Variants in CCDC7 observed in about 807,000 individuals in gnomAD.
The protein encoded by CCDC7 is coiled-coil domain containing 7.
CCDC7 carries 183 observed loss-of-function variants against 196.9 expected under a neutral mutation model. The ratio of observed to expected loss-of-function variants is 0.93; its 90% CI spans 0.82 to 1.05. The LOEUF is 1.05. CCDC7 is among the 50% of genes least tolerant of loss of function. The probability of loss-of-function intolerance (pLI) is 0.00; values close to 1 mark genes in which losing one functional copy is unlikely to be tolerated. For synonymous variants in CCDC7, 525 were observed against 484.6 expected (o/e 1.08, Z -1.10); for missense variants, 1,540 against 1,482.2 (o/e 1.04, Z -0.64).
chr10:32,467,984 G>A (rs1189314750), intron 5 of CCDC7, among the ~76,000 whole-genome samples: 1 of 152,118 alleles, frequency 6.6e-6, no homozygotes, highest in African/African-American at 2.4e-5. Context: ...TTTGGTTACT[G>A]TAGCCCTGTA....
chr10:32,664,111 C>T (rs1021582352), exon 21 of CCDC7: 18 of 396,210 alleles, frequency 4.5e-5, no homozygotes, highest in South Asian at 2.6e-4. Context: ...AAGTCAAAAA[C>T]GGAAGTAGAA....
At chr10:32,644,743 C>G (rs1042847354) in intron 20 of CCDC7, among the ~76,000 whole-genome samples, 6 of 152,206 alleles carry the variant, frequency 3.9e-5, no homozygotes, top group Non-Finnish European at 7.3e-5. Context: ...TCCTCATTCT[C>G]TTCTCTTGGC....
intron 32 of CCDC7, among the ~76,000 whole-genome samples, chr10:32,830,649 G>C (rs1032163456): frequency 6.6e-6 from 1 of 152,228 alleles, no homozygotes; most frequent in Non-Finnish European, 1.5e-5. Flanking sequence ...TGATGTTTTA[G>C]TGCATGTAAA....
intron 28 of CCDC7, among the ~76,000 whole-genome samples, chr10:32,764,156 C>T (rs1326195164): frequency 6.6e-6 from 1 of 151,656 alleles, no homozygotes; most frequent in Non-Finnish European, 1.5e-5. Context: ...ATAATTGCCT[C>T]CCTTGAGATA....
intron 29 of CCDC7, among the ~76,000 whole-genome samples, chr10:32,792,311 G>C (rs934720588): frequency 1.3e-5 from 2 of 152,086 alleles, no homozygotes; most frequent in Non-Finnish European, 2.9e-5. Context: ...CTGTAATGGT[G>C]GTATGTAGAT....
chr10:32,820,451 A>G (rs1177097023), intron 31 of CCDC7, among the ~76,000 whole-genome samples: 1 of 152,218 alleles, frequency 6.6e-6, no homozygotes, highest in Non-Finnish European at 1.5e-5. Flanking sequence ...TCTTCACAGA[A>G]TTGGAAAAAA....
intron 29 of CCDC7, among the ~76,000 whole-genome samples, chr10:32,795,536 C>A (rs1394541774): frequency 1.3e-5 from 2 of 151,976 alleles, no homozygotes; most frequent in African/African-American, 2.4e-5. Flanking sequence ...GGTCGGAAAA[C>A]TCTCATCATC....
chr10:32,619,910 C>CTTTTTTTTTTTTTTTTTTTT lies in CCDC7; in HGVS notation c.1802-14333_1802-14314dup, dbSNP rs56089046. 2.0e-4 allele frequency among the ~76,000 whole-genome samples: 16 copies of CTTTTTTTTTTTTTTTTTTTT among 79,276 alleles called. 3 individuals carry two copies. Among genetic ancestry groups the CTTTTTTTTTTTTTTTTTTTT allele is most frequent in the African/African-American group, 9.8e-4 (15 of 15,308 alleles). The allele number at this position is 79,276 out of a possible 152,430, so 52.0% of individuals were successfully genotyped here. On this transcript the variant is annotated intron_variant, in intron 18 of 41. Coordinates refer to ENST00000639629, the Ensembl canonical transcript of CCDC7. ...CACTGCTCCCAGCCCTTCAATGTAC[C>CTTTTTTTTTTTTTTTTTTTT]TTTTTTTTTTTTTTTTTTTTTTTTT...
chr10:32,653,892 C>T (rs1316443179), intron 20 of CCDC7, among the ~76,000 whole-genome samples: 6 of 152,232 alleles, frequency 3.9e-5, no homozygotes, highest in African/African-American at 1.2e-4. Flanking sequence ...TTTTCATTCA[C>T]TATTTATTAA....
At chr10:32,726,736 C>G in exon 26 of CCDC7, 1 of 1,557,776 alleles carries the variant, frequency 6.4e-7, no homozygotes, top group East Asian at 2.3e-5. Flanking sequence ...TTTTGTAGTA[C>G]CAGATAAAAA....
At chr10:32,737,455 TCTTA>T (rs1428046849) in intron 28 of CCDC7, among the ~76,000 whole-genome samples, 2 of 152,176 alleles carry the variant, frequency 1.3e-5, no homozygotes, top group African/African-American at 4.8e-5. Context: ...ATAAGATCTG[TCTTA>T]CTGAGTGTTC....
intron 20 of CCDC7, among the ~76,000 whole-genome samples, chr10:32,642,311 C>T (rs563113194): frequency 6.6e-6 from 1 of 152,322 alleles, no homozygotes; most frequent in South Asian, 2.1e-4. Flanking sequence ...GTTTGAGTTT[C>T]CCAGCCGCTT....
At chr10:32,592,713 C>G (rs564151546) in intron 18 of CCDC7, among the ~76,000 whole-genome samples, 7 of 152,090 alleles carry the variant, frequency 4.6e-5, no homozygotes, top group Non-Finnish European at 1.0e-4. Flanking sequence ...CCACACCCCC[C>G]GACAAGCCCC....
At chr10:32,579,518 G>A (rs2058545553) in intron 16 of CCDC7, among the ~76,000 whole-genome samples, 1 of 152,036 alleles carries the variant, frequency 6.6e-6, no homozygotes, top group Non-Finnish European at 1.5e-5. Context: ...TTAATATAGA[G>A]TACAAAAATA....
intron 28 of CCDC7, among the ~76,000 whole-genome samples, chr10:32,746,641 G>A (rs2074791398): frequency 1.3e-5 from 2 of 152,156 alleles, no homozygotes; most frequent in South Asian, 4.1e-4. Context: ...ATGTCTACTT[G>A]CAACACAGTC....
chr10:32,564,623 G>C lies in CCDC7; in HGVS notation c.1135-935G>C, dbSNP rs572713173. Among the ~76,000 whole-genome samples, 21 of 151,740 alleles carry C rather than the reference G, an allele frequency of 1.4e-4. No individual in the cohort carries two copies. The South Asian group carries it at 4.4e-3, about 32-fold the overall frequency. On this transcript the variant is annotated intron_variant, in intron 13 of 41. Coordinates refer to ENST00000639629, the Ensembl canonical transcript of CCDC7. The stretch of plus-strand genomic sequence containing the variant: ...CAATGAGAACACATGGACACAGGAA[G>C]GGGAACATCACACTCTGGGGACTGT...
chr10:32,645,677 T>G (rs1357548047), intron 20 of CCDC7, among the ~76,000 whole-genome samples: 1 of 152,050 alleles, frequency 6.6e-6, no homozygotes, highest in African/African-American at 2.4e-5. Context: ...GGGCTTTTCT[T>G]TGATGGAAAG....
At chr10:32,800,765 C>T (rs753502120) in intron 29 of CCDC7, among the ~76,000 whole-genome samples, 19 of 152,172 alleles carry the variant, frequency 1.2e-4, no homozygotes, top group Non-Finnish European at 2.4e-4. Flanking sequence ...AGTTTACAAA[C>T]TGTAAACTGG....
intron 3 of CCDC7, among the ~76,000 whole-genome samples, chr10:32,459,582 C>A (rs2035139280): frequency 1.4e-5 from 2 of 141,776 alleles, no homozygotes; most frequent in Admixed American, 7.2e-5. Context: ...TGCTTTAAAT[C>A]TTTAACTGTT....
Sources: allele counts gnomAD v4.1 joint callset (sites outside exome capture counted in the v4.1 genomes callset), GRCh38; gene constraint gnomAD v4.1.1; transcripts MANE v1.5; gene names NCBI Gene and HGNC (gene_info 2026-07-23, HGNC 2026-07-21).